Variants in SLC39A8 observed in about 807,000 individuals in gnomAD.
SLC39A8 encodes the protein solute carrier family 39 member 8, also known as metal cation symporter ZIP8.
A neutral mutation model predicts 40.4 loss-of-function variants in SLC39A8; 15 were observed. The observed-to-expected ratio is 0.37, with a 90% CI of 0.25 to 0.57. The LOEUF (loss-of-function observed/expected upper bound fraction) is 0.57, where lower values mean the gene tolerates loss of function less well. Among genes scored for constraint, SLC39A8 ranks in the 20% least tolerant of loss-of-function variants. The pLI is 0.75. For missense variants in SLC39A8, 472 were observed against 558.8 expected (o/e 0.84, Z 1.57); for synonymous variants, 223 against 221.6 (o/e 1.01, Z -0.06).
At chr4:102,334,259 C>T (rs975192064) in intron 2 of SLC39A8, among the ~76,000 whole-genome samples, 1 of 152,108 alleles carries the variant, frequency 6.6e-6, no homozygotes, top group Non-Finnish European at 1.5e-5. Flanking sequence ...AAAGTTAGCC[C>T]AAGGAAAAAG....
At chr4:102,275,242 A>C (rs2149010867) in intron 6 of SLC39A8, among the ~76,000 whole-genome samples, 1 of 152,168 alleles carries the variant, frequency 6.6e-6, no homozygotes, top group African/African-American at 2.4e-5. Context: ...GCTCAAAATA[A>C]AGGGATGGAG....
At chr4:102,313,545 T>G (rs1176451105) in intron 3 of SLC39A8, among the ~76,000 whole-genome samples, 3 of 152,112 alleles carry the variant, frequency 2.0e-5, no homozygotes, top group Non-Finnish European at 4.4e-5. Context: ...TTTACTCTCT[T>G]TATCTATCTA....
intron 6 of SLC39A8, among the ~76,000 whole-genome samples, chr4:102,277,134 G>A (rs1334161247): frequency 6.6e-6 from 1 of 152,092 alleles, no homozygotes; most frequent in Admixed American, 6.5e-5. Flanking sequence ...GGAAGTTCTG[G>A]CCAGGGCAAT....
intron 6 of SLC39A8, chr4:102,269,931 C>T (rs1732270143): frequency 6.6e-6 from 1 of 152,088 alleles, no homozygotes; most frequent in Non-Finnish European, 1.5e-5. Context: ...ACACAATAAA[C>T]AATCATAATT....
intron 2 of SLC39A8, among the ~76,000 whole-genome samples, chr4:102,328,135 A>C: frequency 6.6e-6 from 1 of 151,028 alleles, no homozygotes; most frequent in South Asian, 2.1e-4. Flanking sequence ...ATTTTAATGT[A>C]CTATTCTTTT....
At chr4:102,266,792 G>C (rs926239434) in intron 8 of SLC39A8, among the ~76,000 whole-genome samples, 1 of 152,076 alleles carries the variant, frequency 6.6e-6, no homozygotes, top group African/African-American at 2.4e-5. Flanking sequence ...AGTTTCAGTA[G>C]AGACAGGGTT....
chr4:102,324,331 G>A (rs569665344), intron 2 of SLC39A8: 62 of 227,920 alleles, frequency 2.7e-4, no homozygotes, highest in African/African-American at 1.4e-3. Flanking sequence ...GAAGGCGGAG[G>A]CTGCAGTGAG....
At chr4:102,279,225 A>G (rs1732769471) in intron 6 of SLC39A8, among the ~76,000 whole-genome samples, 1 of 152,146 alleles carries the variant, frequency 6.6e-6, no homozygotes, top group Non-Finnish European at 1.5e-5. Flanking sequence ...TGTCCAAGGC[A>G]GTAATTCTTA....
intron 3 of SLC39A8, among the ~76,000 whole-genome samples, chr4:102,307,839 G>T (rs1734255073): frequency 6.6e-6 from 1 of 152,026 alleles, no homozygotes; most frequent in African/African-American, 2.4e-5. Context: ...ATCATTATGG[G>T]ATTAATGAGT....
intron 6 of SLC39A8, among the ~76,000 whole-genome samples, chr4:102,271,206 C>G (rs550028629): frequency 6.6e-6 from 1 of 151,392 alleles, no homozygotes; most frequent in Non-Finnish European, 1.5e-5. Flanking sequence ...AGGAAGAGGA[C>G]TAAAAGGAGG....
chr4:102,300,053 G>GA (rs1733850115), intron 6 of SLC39A8, among the ~76,000 whole-genome samples: 1 of 151,938 alleles, frequency 6.6e-6, no homozygotes, highest in African/African-American at 2.4e-5. Flanking sequence ...AATAACTGGG[G>GA]AAATAGCATC....
chr4:102,337,855 A>T lies in SLC39A8; in HGVS notation c.219+6589T>A, dbSNP rs1735744608. Among the ~76,000 whole-genome samples, 2 of 152,242 alleles carry T rather than the reference A, an allele frequency of 1.3e-5. 1 individual carries two copies. The highest frequency in any genetic ancestry group is 4.1e-4 in the South Asian group (2 of 4,836). Reference sequence around the variant, plus strand: ...AAAATATAGTCCCTTAAAAAAATTCATTATATATGAAACAATAAAAGAAAA... The same window carrying T: ...AAAATATAGTCCCTTAAAAAAATTCTTTATATATGAAACAATAAAAGAAAA... On this transcript the variant is annotated intron_variant, in intron 2 of 8. Transcript: ENST00000356736.
rs538258230 is a variant in SLC39A8 at position 102,344,427 on chromosome 4, G to A, written c.219+17C>T. 10 of 1,502,008 alleles carry A rather than the reference G, an allele frequency of 6.7e-6. No homozygotes were observed. The highest frequency in any genetic ancestry group is 8.0e-6 in the Non-Finnish European group (9 of 1,124,130). 93.0% of individuals were successfully genotyped at this position (1,502,008 alleles called of 1,614,324 possible). A position where few individuals can be genotyped will look rare whatever the true frequency, so the allele number is the denominator to read the frequency against. On this transcript the variant is annotated intron_variant, in intron 2 of 8. Transcript: ENST00000356736. ...ACACCCACAGTACGGAGGGCTGCCC[G>A]GACCTGGCGGCCTTACCTGGTTGAA...
intron 2 of SLC39A8, among the ~76,000 whole-genome samples, chr4:102,317,140 G>A (rs1299764050): frequency 6.6e-6 from 1 of 152,096 alleles, no homozygotes; most frequent in Non-Finnish European, 1.5e-5. Context: ...ATAACTCAAA[G>A]TTGATGTTAA....
At chr4:102,305,432 A>T (rs1734127451) in intron 4 of SLC39A8, among the ~76,000 whole-genome samples, 1 of 151,988 alleles carries the variant, frequency 6.6e-6, no homozygotes, top group South Asian at 2.1e-4. Context: ...AGCAGCTCTG[A>T]TTCTCATCTT....
chr4:102,272,217 A>T (rs1732393408), intron 6 of SLC39A8, among the ~76,000 whole-genome samples: 1 of 151,978 alleles, frequency 6.6e-6, no homozygotes, highest in African/African-American at 2.4e-5. Context: ...GCAGATCACG[A>T]GGTCAGGAGA....
intron 6 of SLC39A8, among the ~76,000 whole-genome samples, chr4:102,273,731 C>T (rs767839838): frequency 6.6e-6 from 1 of 152,154 alleles, no homozygotes; most frequent in East Asian, 1.9e-4. Flanking sequence ...CCATCTGGGA[C>T]GAAGCTTCCA....
intron 2 of SLC39A8, among the ~76,000 whole-genome samples, chr4:102,316,133 C>A (rs1734646211): frequency 6.6e-6 from 1 of 152,070 alleles, no homozygotes; most frequent in African/African-American, 2.4e-5. Flanking sequence ...TGCACCAACA[C>A]CATTCAAACA....
chr4:102,262,872 T>A lies in SLC39A8; in HGVS notation c.*172A>T. 2 of 1,373,314 alleles carry A rather than the reference T, an allele frequency of 1.5e-6. No individual in the cohort carries two copies. The highest frequency in any genetic ancestry group is 1.9e-6 in the Non-Finnish European group (2 of 1,066,432). 85.1% of individuals were successfully genotyped at this position (1,373,314 alleles called of 1,614,324 possible). On this transcript the variant is annotated 3_prime_UTR_variant, in exon 9 of 9. Coordinates refer to ENST00000356736, the MANE Select transcript of SLC39A8 (RefSeq NM_001135146.2). ...CACTGAAAACCTTTTGAAGCATTTT[T>A]AACAACAAATAATGGACTATTTCAC...
Sources: gnomAD v4.1 joint callset for allele counts (sites outside exome capture counted in the v4.1 genomes callset) on GRCh38, gnomAD v4.1.1 for gene constraint, MANE v1.5 for transcripts, NCBI Gene and HGNC (gene_info 2026-07-23, HGNC 2026-07-21) for gene names.